The following KIAA1217 variants were observed in gnomAD, a reference collection of about 807,000 sequenced individuals.
KIAA1217 encodes KIAA1217.
In KIAA1217, 88 loss-of-function variants were observed where a neutral mutation model predicts 163.9. That is an observed-to-expected ratio of 0.54 (90% CI 0.45 to 0.64). KIAA1217 has a LOEUF of 0.64. Among genes scored for constraint, KIAA1217 ranks in the 30% least tolerant of loss-of-function variants. The pLI is 0.00. For missense variants in KIAA1217, 2,372 were observed against 2,475.0 expected (o/e 0.96, Z 0.88); for synonymous variants, 903 against 923.1 (o/e 0.98, Z 0.39).
chr10:24,232,570 CTAG>C (rs2071567611), intron 2 of KIAA1217, among the ~76,000 whole-genome samples: 1 of 152,012 alleles, frequency 6.6e-6, no homozygotes. Context: ...TGGTAGTCAG[CTAG>C]AGGAAATTGC....
chr10:24,143,119 A>G (rs1564749984), intron 2 of KIAA1217, among the ~76,000 whole-genome samples: 3 of 152,176 alleles, frequency 2.0e-5, no homozygotes, highest in South Asian at 4.1e-4. Flanking sequence ...AGTGAAATAG[A>G]CAAAAGAGGA....
intron 3 of KIAA1217, among the ~76,000 whole-genome samples, chr10:24,384,094 C>T (rs2053677673): frequency 6.6e-6 from 1 of 152,206 alleles, no homozygotes; most frequent in African/African-American, 2.4e-5. Flanking sequence ...TCCATGGGGC[C>T]TCAGATATGC....
intron 2 of KIAA1217, among the ~76,000 whole-genome samples, chr10:24,222,748 G>A (rs1175069923): frequency 6.6e-6 from 1 of 152,136 alleles, no homozygotes; most frequent in East Asian, 1.9e-4. Context: ...GACCTCAGGC[G>A]ATCCACCTAC....
chr10:24,018,000 T>TTACC (rs1847564538), intron 2 of KIAA1217, among the ~76,000 whole-genome samples: 1 of 152,024 alleles, frequency 6.6e-6, no homozygotes, highest in South Asian at 2.1e-4. Flanking sequence ...CTCTACCAGG[T>TTACC]TACCTTTGTA....
chr10:23,996,094 G>A (rs1430921534), intron 1 of KIAA1217, among the ~76,000 whole-genome samples: 2 of 152,156 alleles, frequency 1.3e-5, no homozygotes, highest in African/African-American at 2.4e-5. Flanking sequence ...TGGTTTCATA[G>A]AGAAGCAACT....
chr10:24,191,831 G>A (rs2066735390), intron 2 of KIAA1217, among the ~76,000 whole-genome samples: 1 of 152,190 alleles, frequency 6.6e-6, no homozygotes, highest in African/African-American at 2.4e-5. Flanking sequence ...TCAACTCACT[G>A]CAACCTCCAC....
intron 2 of KIAA1217, among the ~76,000 whole-genome samples, chr10:24,138,601 T>C (rs2063927240): frequency 6.9e-6 from 1 of 145,432 alleles, no homozygotes; most frequent in African/African-American, 2.8e-5. Flanking sequence ...ATCGACTTAG[T>C]TAATTTCCTG....
intron 2 of KIAA1217, among the ~76,000 whole-genome samples, chr10:24,230,506 T>TTTG (rs2071245785): frequency 7.3e-6 from 1 of 136,858 alleles, no homozygotes; most frequent in Admixed American, 7.3e-5. Flanking sequence ...TGTTTTGTTT[T>TTTG]TTTTTTTTTT....
intron 1 of KIAA1217, among the ~76,000 whole-genome samples, chr10:23,758,606 C>CTCTT (rs539030600): frequency 0.029 from 4,287 of 145,324 alleles, 127 homozygotes; most frequent in African/African-American, 0.079. Context: ...CTTTTCTTTT[C>CTCTT]TCTTTCTTTC....
At chr10:23,844,017 T>C (rs1233027731) in intron 1 of KIAA1217, among the ~76,000 whole-genome samples, 1 of 152,170 alleles carries the variant, frequency 6.6e-6, no homozygotes, top group Non-Finnish European at 1.5e-5. Flanking sequence ...CACCATTATA[T>C]GTTGGCATGG....
intron 2 of KIAA1217, among the ~76,000 whole-genome samples, chr10:24,081,311 C>T (rs1272610448): frequency 2.0e-5 from 3 of 152,216 alleles, no homozygotes; most frequent in East Asian, 3.8e-4. Flanking sequence ...AATGTCAAGC[C>T]TGCAGGAATG....
At chr10:24,452,579 G>T (rs1258338871) in intron 5 of KIAA1217, among the ~76,000 whole-genome samples, 1 of 151,060 alleles carries the variant, frequency 6.6e-6, no homozygotes, top group African/African-American at 2.4e-5. Context: ...CTACTCGGGA[G>T]GCTGAGGCAG....
intron 1 of KIAA1217, among the ~76,000 whole-genome samples, chr10:23,980,466 G>A (rs1401614304): frequency 1.3e-5 from 2 of 152,158 alleles, no homozygotes; most frequent in African/African-American, 4.8e-5. Context: ...CTCATCCCCT[G>A]CATCAGCCTG....
chr10:23,799,453 A>G (rs1836369114), intron 1 of KIAA1217, among the ~76,000 whole-genome samples: 1 of 152,210 alleles, frequency 6.6e-6, no homozygotes, highest in Non-Finnish European at 1.5e-5. Flanking sequence ...ATTGCTATGC[A>G]TGTTACAATT....
chr10:24,157,461 A>G (rs1185116690), intron 2 of KIAA1217, among the ~76,000 whole-genome samples: 1 of 152,188 alleles, frequency 6.6e-6, no homozygotes, highest in African/African-American at 2.4e-5. Context: ...TGTTCTCTTA[A>G]CAGTGTCTTT....
chr10:23,756,128 C>CT lies in KIAA1217; in HGVS notation c.-321+60908dup, dbSNP rs374311551. ...TGCACCACCACACCCGGCTAATTTT[C>CT]TTTTTTTTTTTTTTAGTAGAGCTGA... On this transcript the variant is annotated intron_variant, in intron 1 of 18. Transcript: ENST00000376462. 2.6e-3 allele frequency among the ~76,000 whole-genome samples: 367 copies of CT among 139,826 alleles called. 11 individuals are homozygous for CT. The highest frequency in any genetic ancestry group is 0.024 in the East Asian group (113 of 4,806). 91.7% of individuals were successfully genotyped at this position (139,826 alleles called of 152,430 possible).
intron 6 of KIAA1217, among the ~76,000 whole-genome samples, chr10:24,474,957 G>A (rs192860831): frequency 5.9e-5 from 9 of 152,328 alleles, no homozygotes; most frequent in Admixed American, 1.3e-4. Flanking sequence ...AGTGGCTTAC[G>A]CCTGTAATCC....
chr10:24,267,401 A>G (rs2076337307), intron 2 of KIAA1217, among the ~76,000 whole-genome samples: 1 of 152,224 alleles, frequency 6.6e-6, no homozygotes, highest in Non-Finnish European at 1.5e-5. Flanking sequence ...CTCCCAAGGT[A>G]AGGGAACCTA....
chr10:24,310,577 C>G (rs1282360829), intron 2 of KIAA1217, among the ~76,000 whole-genome samples: 2 of 152,202 alleles, frequency 1.3e-5, no homozygotes, highest in Non-Finnish European at 2.9e-5. Flanking sequence ...ACACACCACT[C>G]CCCCATCTCT....
Sources: gnomAD v4.1 joint callset for allele counts (sites outside exome capture counted in the v4.1 genomes callset) on GRCh38, gnomAD v4.1.1 for gene constraint, MANE v1.5 for transcripts, NCBI Gene and HGNC (gene_info 2026-07-23, HGNC 2026-07-21) for gene names.